The following LRP3 variants were observed in gnomAD, a reference collection of about 807,000 sequenced individuals.
LRP3 encodes the protein LDL receptor related protein 3, also known as low-density lipoprotein receptor-related protein 3.
In LRP3, 49 loss-of-function variants were observed where a neutral mutation model predicts 58.5. The observed-to-expected ratio is 0.84, with a 90% CI of 0.67 to 1.06. The LOEUF (loss-of-function observed/expected upper bound fraction) is 1.06, where lower values mean the gene tolerates loss of function less well. Ranked by LOEUF, LRP3 falls within the 50% of genes least tolerant of loss-of-function variation. LRP3 has a pLI of 0.00. For missense variants in LRP3, 1,019 were observed against 1,134.2 expected (o/e 0.90, Z 1.46); for synonymous variants, 485 against 492.2 (o/e 0.99, Z 0.20).
At chr19:33,196,867 A>G in intron 2 of LRP3, 90 bp downstream of exon 2, 1 of 1,191,394 alleles carries the variant, frequency 8.4e-7, no homozygotes, top group Non-Finnish European at 1.3e-6. Context: ...TCCTGGCACT[A>G]CCCCGAGTTC....
In LRP3 at chr19:33,206,244, G is replaced by A. The variant is rs551105294; in HGVS notation, c.1474G>A (p.Ala492Thr). The A allele has an allele frequency of 5.0e-6, 8 of 1,597,224 alleles. No individual in the cohort carries two copies. The highest frequency in any genetic ancestry group is 1.3e-5 in the African/African-American group (1 of 74,856). The change falls in exon 5 of 7, where the codon GCC becomes ACC. Residue 492 changes from alanine to threonine, a missense_variant. Coordinates refer to ENST00000253193, the MANE Select transcript of LRP3 (RefSeq NM_002333.4). ...CAGCGATGAGCATGGGTGCCTGGCC[G>A]CCGTGCCCCGCAAGGTCATCACGGC... ...DGSDEHGCLAAVPRKVITAAL... is the reference protein window; with the variant it reads ...DGSDEHGCLATVPRKVITAAL...
In LRP3 at chr19:33,202,863, A is replaced by C; in HGVS notation, c.137A>C (p.Lys46Thr). The C allele has an allele frequency of 1.9e-6, 3 of 1,610,494 alleles. No homozygotes were observed. The highest frequency in any genetic ancestry group is 2.5e-6 in the Non-Finnish European group (3 of 1,178,468). Residue 46 changes from lysine (K) to threonine (T), a missense_variant, in exon 3 of 7, where the codon AAG becomes ACG. This residue lies in a region of LRP3 where 592 missense variants were observed against 725.5 expected (regional missense o/e 0.82). Transcript: ENST00000253193. The stretch of plus-strand genomic sequence containing the variant: ...CTCCCGACAGCGGCCTGCAGTGGGA[A>C]GCTGGAGCAGCACACGGAGCGGCGT... ...AVPALAACSG[K>T]LEQHTERRGV... is the part of the protein sequence containing the mutation.
At chr19:33,194,882 C>T (rs1234628617) in intron 1 of LRP3, 24 bp downstream of exon 1, 2 of 1,101,860 alleles carry the variant, frequency 1.8e-6, no homozygotes, top group African/African-American at 1.7e-5. Flanking sequence ...GCGGGCCGGG[C>T]AGGTCCGGGT....
chr19:33,199,785 T>C (rs1470164517), intron 2 of LRP3, among the ~76,000 whole-genome samples: 1 of 152,172 alleles, frequency 6.6e-6, no homozygotes, highest in South Asian at 2.1e-4. Flanking sequence ...CAACCCCTGA[T>C]GAAGGGGTCA....
chr19:33,200,703 C>G (rs1007714518), intron 2 of LRP3, among the ~76,000 whole-genome samples: 64 of 152,360 alleles, frequency 4.2e-4, no homozygotes, highest in African/African-American at 1.5e-3. Flanking sequence ...GATAGTTTAT[C>G]TCCTGCCCTT....
chr19:33,206,703 G>A lies in LRP3; in HGVS notation c.1695G>A (p.Val565=). The A allele has an allele frequency of 6.5e-7, 1 of 1,541,012 alleles. No individual in the cohort carries two copies. Among genetic ancestry groups the A allele is most frequent in the Non-Finnish European group, 8.7e-7 (1 of 1,144,590 alleles). ...TCGCCCAGGGCCTCATTCCACCCGT[G>A]GAGGACTTTCCTGTCTACAGTGCGT... The part of the protein sequence containing the change: ...QLIAQGLIPP[V]EDFPVYSASQ... The change falls in exon 6 of 7, where the codon GTG becomes GTA. Residue 565 remains valine, a synonymous_variant. Transcript: ENST00000253193.
Position 33,204,662 on chromosome 19 carries a change from G to A in LRP3, c.285G>A (p.Glu95=). Residue 95 remains glutamate (E), a synonymous_variant, in exon 4 of 7, where the codon GAG becomes GAA. Transcript: ENST00000253193. ...GCTTCCGCAACTTTGACGTGGAGGA[G>A]TCCCACCAGTGCTCCCTGGACTGGC... is the stretch of plus-strand genomic sequence containing the variant. ...TISFRNFDVE[E]SHQCSLDWLL... The A allele has an allele frequency of 6.2e-7, 1 of 1,607,428 alleles. No homozygotes were observed. Among genetic ancestry groups the A allele is most frequent in the South Asian group, 1.1e-5 (1 of 91,064 alleles).
At chr19:33,199,926 G>A (rs1179432569) in intron 2 of LRP3, among the ~76,000 whole-genome samples, 1 of 152,136 alleles carries the variant, frequency 6.6e-6, no homozygotes, top group African/African-American at 2.4e-5. Context: ...AAGGAGAGGG[G>A]CAGGTCTATG....
chr19:33,205,300 A>AGTGCCTGCCCGGCCC lies in LRP3; in HGVS notation c.534_548dup (p.Cys178_Pro182dup). On this transcript the variant is annotated inframe_insertion, in exon 5 of 7. Transcript: ENST00000253193. Reference sequence around the variant, plus strand: ...GATGAGTTCCGCTGTGACAACGGCAAGTGCCTGCCCGGCCCGTGGCAGTGC... The same window carrying AGTGCCTGCCCGGCCC: ...GATGAGTTCCGCTGTGACAACGGCAAGTGCCTGCCCGGCCCGTGCCTGCCCGGCCCGTGGCAGTGC... 6.2e-7 allele frequency: 1 copy of AGTGCCTGCCCGGCCC among 1,611,762 alleles called. No homozygotes were observed. The highest frequency in any genetic ancestry group is 8.5e-7 in the Non-Finnish European group (1 of 1,179,446).
chr19:33,195,636 G>T (rs1245713507), intron 1 of LRP3, among the ~76,000 whole-genome samples: 1 of 152,248 alleles, frequency 6.6e-6, no homozygotes, highest in Non-Finnish European at 1.5e-5. Flanking sequence ...TGACAGGTTT[G>T]CTGAAGCCAC....
chr19:33,206,290 T>G lies in LRP3; in HGVS notation c.1520T>G (p.Val507Gly). 6.3e-7 allele frequency: 1 copy of G among 1,598,156 alleles called. No homozygotes were observed. Among genetic ancestry groups the G allele is most frequent in the Non-Finnish European group, 8.5e-7 (1 of 1,171,632 alleles). The change falls in exon 5 of 7, where the codon GTG (valine) becomes GGG (glycine). Residue 507 changes from valine to glycine, a missense_variant. Transcript: ENST00000253193. ...ACGGCGGCGCTCATTGGCAGCCTGG[T>G]GTGTGGCCTGCTGCTGGTCATCGCG... ...VITAALIGSLVCGLLLVIALG... is the reference protein window; with the variant it reads ...VITAALIGSLGCGLLLVIALG...
At chr19:33,198,318 G>A (rs879296213) in intron 2 of LRP3, among the ~76,000 whole-genome samples, 14 of 152,180 alleles carry the variant, frequency 9.2e-5, no homozygotes, top group Non-Finnish European at 1.6e-4. Flanking sequence ...CAGGGTCCAC[G>A]TTGCCAAACT....
At chr19:33,198,233 G>A (rs1191799357) in intron 2 of LRP3, among the ~76,000 whole-genome samples, 2 of 152,200 alleles carry the variant, frequency 1.3e-5, no homozygotes, top group African/African-American at 4.8e-5. Context: ...GGCCAGTCAT[G>A]GAGCTTGGGC....
chr19:33,207,168 G>C lies in LRP3; in HGVS notation c.1906G>C (p.Gly636Arg). Residue 636 changes from glycine to arginine, a missense_variant, in exon 7 of 7, where the codon GGC becomes CGC. Transcript: ENST00000253193. ...TAARPSQTVLGDGFLQPAPGA... is the reference protein window; with the variant it reads ...TAARPSQTVLRDGFLQPAPGA... ...AGCACGCCCCTCACAGACCGTGCTG[G>C]GCGATGGCTTCCTCCAGCCTGCTCC... 1 of 1,543,776 alleles carries C rather than the reference G, an allele frequency of 6.5e-7. No individual in the cohort carries two copies. Among genetic ancestry groups the C allele is most frequent in the Non-Finnish European group, 8.7e-7 (1 of 1,149,010 alleles).
chr19:33,207,054 G>T lies in LRP3; in HGVS notation c.1792G>T (p.Gly598Trp). 6.7e-7 allele frequency: 1 copy of T among 1,487,028 alleles called. No homozygotes were observed. The highest frequency in any genetic ancestry group is 1.4e-5 in the South Asian group (1 of 73,928). The allele number at this position is 1,487,028 out of a possible 1,614,324, so 92.1% of individuals were successfully genotyped here. The change falls in exon 7 of 7, where the codon GGG becomes TGG. Residue 598 changes from glycine to tryptophan, a missense_variant. This residue lies in a region of LRP3 where 427 missense variants were observed against 408.6 expected (regional missense o/e 1.04). Transcript: ENST00000253193. ...RQMRRHASRR[G>W]PSRRRLGRLW... The stretch of plus-strand genomic sequence containing the variant: ...GATGCGTCGGCACGCCTCCCGCCGG[G>T]GGCCCTCCCGCCGCCGCCTCGGCCG...
chr19:33,196,880 G>A (rs1341062432), intron 2 of LRP3, 103 bp downstream of exon 2: 8 of 1,056,378 alleles, frequency 7.6e-6, no homozygotes, highest in Middle Eastern at 2.0e-4. Flanking sequence ...CCGAGTTCCT[G>A]TGTGCATCTT....
Position 33,206,221 on chromosome 19 carries a change from G to C in LRP3, c.1451G>C (p.Ser484Thr). 6 of 1,596,636 alleles carry C rather than the reference G, an allele frequency of 3.8e-6. No homozygotes were observed. Among genetic ancestry groups the C allele is most frequent in the Non-Finnish European group, 5.1e-6 (6 of 1,172,044 alleles). The change falls in exon 5 of 7, where the codon AGC becomes ACC. Residue 484 changes from serine to threonine, a missense_variant. Physicochemically the swap from Ser to Thr is moderately conservative, Grantham distance 58. Around this residue, in one of 2 missense-constraint regions of LRP3, gnomAD observed 592 missense variants for 725.5 expected, o/e 0.82. Coordinates refer to ENST00000253193, the MANE Select transcript of LRP3 (RefSeq NM_002333.4). The part of the protein sequence containing the change: ...CDGQEDCQDG[S>T]DEHGCLAAVP... The stretch of plus-strand genomic sequence containing the variant: ...GGCCAGGAAGACTGCCAGGACGGCA[G>C]CGATGAGCATGGGTGCCTGGCCGCC...
Position 33,205,814 on chromosome 19 carries a change from C to A in LRP3, c.1044C>A (p.His348Gln). Residue 348 changes from histidine to glutamine, a missense_variant, in exon 5 of 7, where the codon CAC becomes CAA. Around this residue, in one of 2 missense-constraint regions of LRP3, gnomAD observed 592 missense variants for 725.5 expected, o/e 0.82. Transcript: ENST00000253193. Reference sequence around the variant, plus strand: ...AGGGCCGCCTCACTGTGGCCTACCACGCGCGCGCCCGCAGCGCCGGCCACG... The same window carrying A: ...AGGGCCGCCTCACTGTGGCCTACCAAGCGCGCGCCCGCAGCGCCGGCCACG... ...AAQGRLTVAY[H>Q]ARARSAGHGF... 1 of 1,583,234 alleles carries A rather than the reference C, an allele frequency of 6.3e-7. No homozygotes were observed. Among genetic ancestry groups the A allele is most frequent in the East Asian group, 2.3e-5 (1 of 44,258 alleles).
rs1223197911 is a variant in LRP3 at position 33,194,710 on chromosome 19, AGAGCCGGAGCCGCAGCCGGAACCG to A, written c.-62_-39del. Reference sequence around the variant, plus strand: ...CCGAGCCCGAGCCGCAGCCAGAGCCAGAGCCGGAGCCGCAGCCGGAACCGGAGCCGGAGCCGCGGGGCAGGAGGC... The same window carrying A: ...CCGAGCCCGAGCCGCAGCCAGAGCCAGAGCCGGAGCCGCGGGGCAGGAGGC... On this transcript the variant is annotated 5_prime_UTR_variant, in exon 1 of 7. Transcript: ENST00000253193. 304 of 422,378 alleles carry A rather than the reference AGAGCCGGAGCCGCAGCCGGAACCG, an allele frequency of 7.2e-4. 6 individuals are homozygous for A. The South Asian group carries it at 0.017, about 23-fold the overall frequency. 26.2% of individuals were successfully genotyped at this position (422,378 alleles called of 1,614,324 possible).
Sources: gnomAD v4.1 joint callset for allele counts (sites outside exome capture counted in the v4.1 genomes callset) on GRCh38, gnomAD v4.1.1 for gene constraint, gnomAD v4.1.1 regional missense constraint, MANE v1.5 for transcripts, NCBI Gene and HGNC (gene_info 2026-07-23, HGNC 2026-07-21) for gene names.